The following LRCH1 variants were observed in gnomAD, a reference collection of about 807,000 sequenced individuals.
The protein encoded by LRCH1 is leucine rich repeats and calponin homology domain containing 1.
LRCH1 carries 23 observed loss-of-function variants against 94.9 expected under a neutral mutation model. The ratio of observed to expected loss-of-function variants is 0.24; its 90% confidence interval spans 0.17 to 0.34. The LOEUF (loss-of-function observed/expected upper bound fraction) is 0.34. LRCH1 is among the 10% of genes least tolerant of loss of function. The pLI is 1.00. For missense variants in LRCH1, 790 were observed against 945.9 expected, an observed-to-expected ratio of 0.84 and a Z score of 2.16; for synonymous variants, 364 against 354.9, an observed-to-expected ratio of 1.03 and a Z score of -0.29.
intron 1 of LRCH1, among the ~76,000 whole-genome samples, chr13:46,649,951 A>T (rs541264168): frequency 6.6e-6 from 1 of 152,328 alleles, no homozygotes; most frequent in South Asian, 2.1e-4. Flanking sequence ...TAGTTACAGT[A>T]AAAAGTTCTT....
At chr13:46,747,402 C>T (rs947642497), downstream of LRCH1, among the ~76,000 whole-genome samples, 4 of 152,192 alleles carry the variant, frequency 2.6e-5, no homozygotes, top group Admixed American at 2.0e-4. Flanking sequence ...CCCTGCAGGC[C>T]ACTGGAGCCA....
chr13:46,735,488 A>G (rs2138240559), intron 19 of LRCH1, among the ~76,000 whole-genome samples: 1 of 152,336 alleles, frequency 6.6e-6, no homozygotes, highest in African/African-American at 2.4e-5. Context: ...GCTTACAGTG[A>G]TATAAAATAA....
chr13:46,579,634 A>G (rs1051436419), intron 1 of LRCH1, among the ~76,000 whole-genome samples: 1 of 152,138 alleles, frequency 6.6e-6, no homozygotes, highest in Non-Finnish European at 1.5e-5. Flanking sequence ...TAACCACAAC[A>G]AGAGCGGATC....
At chr13:46,667,932 C>T (rs12430501) in intron 2 of LRCH1, among the ~76,000 whole-genome samples, 1 of 152,170 alleles carries the variant, frequency 6.6e-6, no homozygotes, top group Non-Finnish European at 1.5e-5. Context: ...TACACAGATA[C>T]ATGCATGTCT....
chr13:46,568,783 G>A (rs2050212157), intron 1 of LRCH1, among the ~76,000 whole-genome samples: 1 of 152,156 alleles, frequency 6.6e-6, no homozygotes, highest in African/African-American at 2.4e-5. Flanking sequence ...GAGTACATAG[G>A]TAGGTGTATG....
In LRCH1 at chr13:46,744,564, C is replaced by A. The variant is rs1353421851; in HGVS notation, c.*2716C>A. 1.0e-6 allele frequency: 1 copy of A among 985,172 alleles called. No individual in the cohort carries two copies. The highest frequency in any genetic ancestry group is 1.2e-6 in the Non-Finnish European group (1 of 829,936). The allele number at this position is 985,172 out of a possible 1,614,324, so 61.0% of individuals were successfully genotyped here. A position where few individuals can be genotyped will look rare whatever the true frequency, so the allele number is the denominator to read the frequency against. On this transcript the variant is annotated 3_prime_UTR_variant, in exon 20 of 20. Coordinates refer to ENST00000389797, the MANE Select transcript of LRCH1 (RefSeq NM_001164211.2). ...CCGCAGAACTACAATGTATGATAAT[C>A]GAGTATAAATTTCATCAATGAGAGT... is the stretch of plus-strand genomic sequence containing the variant.
At position 46,709,185 on chromosome 13, in the gene LRCH1, A is replaced by G. The variant is rs113201739; in HGVS notation, c.1528-2606A>G. 9.7e-4 allele frequency among the ~76,000 whole-genome samples: 148 copies of G among 152,318 alleles called. 1 individual carries two copies. Among genetic ancestry groups the G allele is most frequent in the African/African-American group, 3.3e-3 (138 of 41,560 alleles). On this transcript the variant is annotated intron_variant, in intron 13 of 19. Coordinates refer to ENST00000389797, the MANE Select transcript of LRCH1 (RefSeq NM_001164211.2). ...CTTTTCCACATGCTCATAAAGCTTC[A>G]TGGGTTTTTCCTGAAGTTTAACCAT...
exon 19 of LRCH1, chr13:46,751,523 A>G (rs1054513465): frequency 7.5e-6 from 1 of 133,612 alleles, no homozygotes; most frequent in African/African-American, 3.8e-5. Flanking sequence ...GCTGTGATGG[A>G]AAAAAAAAAG....
intron 2 of LRCH1, among the ~76,000 whole-genome samples, chr13:46,659,692 G>A (rs563033574): frequency 1.3e-5 from 2 of 152,176 alleles, no homozygotes; most frequent in Non-Finnish European, 2.9e-5. Flanking sequence ...GTGGCTGTGG[G>A]GGGTGGGCTG....
At chr13:46,559,016 G>GT (rs1158774472) in intron 1 of LRCH1, among the ~76,000 whole-genome samples, 1 of 152,150 alleles carries the variant, frequency 6.6e-6, no homozygotes. Context: ...TTTGTGGGTG[G>GT]TTTTATCTCT....
intron 1 of LRCH1, among the ~76,000 whole-genome samples, chr13:46,571,184 C>G (rs1019125745): frequency 2.1e-4 from 32 of 152,232 alleles, no homozygotes; most frequent in African/African-American, 7.7e-4. Context: ...CAAAACACAC[C>G]TCCATTAACT....
intron 13 of LRCH1, among the ~76,000 whole-genome samples, chr13:46,707,127 A>G (rs1871804421): frequency 6.6e-6 from 1 of 152,092 alleles, no homozygotes; most frequent in Non-Finnish European, 1.5e-5. Context: ...TTTTCCTTTC[A>G]GTGTAAGATC....
At chr13:46,639,200 C>A (rs897475130) in intron 1 of LRCH1, among the ~76,000 whole-genome samples, 1 of 152,294 alleles carries the variant, frequency 6.6e-6, no homozygotes, top group South Asian at 2.1e-4. Context: ...AACATACCAG[C>A]AAAGCAGCAG....
intron 2 of LRCH1, among the ~76,000 whole-genome samples, chr13:46,666,470 A>G (rs1249667930): frequency 6.6e-6 from 1 of 152,244 alleles, no homozygotes; most frequent in Admixed American, 6.5e-5. Flanking sequence ...AACTAGTGAG[A>G]CGGATAACTT....
chr13:46,639,223 C>T (rs1240193453), intron 1 of LRCH1, among the ~76,000 whole-genome samples: 1 of 152,194 alleles, frequency 6.6e-6, no homozygotes, highest in Non-Finnish European at 1.5e-5. Context: ...GTAGCGTCCA[C>T]AGAGCCTACT....
rs373418529 is a variant in LRCH1 at position 46,638,139 on chromosome 13, AT to A, written c.308-12061del. Among the ~76,000 whole-genome samples, 404 of 152,338 alleles carry A rather than the reference AT, an allele frequency of 2.7e-3. 2 individuals carry two copies. Among genetic ancestry groups the A allele is most frequent in the South Asian group, 0.019 (92 of 4,834 alleles). The stretch of plus-strand genomic sequence containing the variant: ...CTATGGATACATTTATACATATAAA[AT>A]ATTTGTGACAAATATAGTATTTGTA... On this transcript the variant is annotated intron_variant, in intron 1 of 19. Transcript: ENST00000389797.
intron 1 of LRCH1, among the ~76,000 whole-genome samples, chr13:46,609,930 A>G (rs1173432112): frequency 6.6e-6 from 1 of 152,202 alleles, no homozygotes; most frequent in Admixed American, 6.5e-5. Flanking sequence ...AAGTGTCTGT[A>G]TAGAAGGAAG....
At chr13:46,561,504 G>T (rs568458164) in intron 1 of LRCH1, among the ~76,000 whole-genome samples, 18 of 152,268 alleles carry the variant, frequency 1.2e-4, no homozygotes, top group Non-Finnish European at 2.1e-4. Flanking sequence ...TTTGACAGCT[G>T]ACCCCTGCAG....
intron 1 of LRCH1, among the ~76,000 whole-genome samples, chr13:46,561,757 C>T (rs965115161): frequency 3.3e-5 from 5 of 152,156 alleles, no homozygotes; most frequent in Admixed American, 2.0e-4. Flanking sequence ...AAGTCATTTA[C>T]CTCATGTCCC....
Sources: allele counts gnomAD v4.1 joint callset (sites outside exome capture counted in the v4.1 genomes callset), GRCh38; gene constraint gnomAD v4.1.1; transcripts MANE v1.5; gene names NCBI Gene and HGNC (gene_info 2026-07-23, HGNC 2026-07-21).